OSBPL6: variants seen among roughly 807,000 people sequenced by gnomAD.
OSBPL6 encodes oxysterol-binding protein-related protein 6.
In OSBPL6, 49 loss-of-function variants were observed where a neutral mutation model predicts 125.8. That is an observed-to-expected ratio of 0.39 (90% CI 0.31 to 0.49). The LOEUF (loss-of-function observed/expected upper bound fraction) is 0.49, where lower values mean the gene tolerates loss of function less well. Among genes scored for constraint, OSBPL6 ranks in the 20% least tolerant of loss-of-function variants. The pLI, the probability that OSBPL6 is intolerant of heterozygous loss-of-function variation, is 0.88. For missense variants in OSBPL6, 986 were observed against 1,135.4 expected (o/e 0.87, Z 1.89); for synonymous variants, 394 against 391.8 (o/e 1.01, Z -0.07).
chr2:178,275,039 A>G (rs899943581), intron 1 of OSBPL6, among the ~76,000 whole-genome samples: 9 of 152,204 alleles, frequency 5.9e-5, no homozygotes, highest in Non-Finnish European at 1.0e-4. Context: ...AACATGATCA[A>G]ATCTATGTTT....
intron 12 of OSBPL6, among the ~76,000 whole-genome samples, chr2:178,350,606 A>C (rs1025367486): frequency 6.6e-6 from 1 of 152,132 alleles, no homozygotes; most frequent in Non-Finnish European, 1.5e-5. Flanking sequence ...AGATTTCTCA[A>C]TTGAGACTCT....
intron 1 of OSBPL6, among the ~76,000 whole-genome samples, chr2:178,196,937 T>G (rs978214797): frequency 1.3e-5 from 2 of 152,230 alleles, no homozygotes; most frequent in African/African-American, 4.8e-5. Flanking sequence ...TCATTCATAC[T>G]GTATGTAGTT....
At chr2:178,328,466 T>C (rs749888021) in intron 5 of OSBPL6, 88 bp downstream of exon 5, 31 of 1,507,738 alleles carry the variant, frequency 2.1e-5, no homozygotes, top group Non-Finnish European at 2.8e-5. Context: ...ACTAAGAATA[T>C]GGCAGTATGT....
intron 12 of OSBPL6, among the ~76,000 whole-genome samples, chr2:178,360,934 G>A (rs1287917723): frequency 6.6e-6 from 1 of 152,068 alleles, no homozygotes; most frequent in African/African-American, 2.4e-5. Flanking sequence ...AGAATACTTT[G>A]CATATTATAG....
chr2:178,364,070 G>A (rs1692594359), intron 13 of OSBPL6, among the ~76,000 whole-genome samples: 1 of 152,214 alleles, frequency 6.6e-6, no homozygotes. Context: ...AGGTATTTAA[G>A]TTTACTGACA....
chr2:178,281,555 C>T (rs9808049), intron 1 of OSBPL6, among the ~76,000 whole-genome samples: 22,522 of 152,016 alleles, frequency 0.15, 1,825 homozygotes, highest in African/African-American at 0.19. Context: ...GTTTTTGTCA[C>T]GTTTGTCAGA....
At chr2:178,394,889 A>G (rs534825008) in intron 24 of OSBPL6, among the ~76,000 whole-genome samples, 1 of 152,344 alleles carries the variant, frequency 6.6e-6, no homozygotes, top group African/African-American at 2.4e-5. Flanking sequence ...GCAGGATTAT[A>G]TATACATCAC....
chr2:178,390,296 G>A (rs899632638), intron 21 of OSBPL6, among the ~76,000 whole-genome samples: 4 of 152,146 alleles, frequency 2.6e-5, no homozygotes, highest in African/African-American at 9.7e-5. Flanking sequence ...AGCCAGTCCT[G>A]GCCCACGGCC....
intron 2 of OSBPL6, among the ~76,000 whole-genome samples, chr2:178,299,375 T>C (rs1187389436): frequency 1.3e-5 from 2 of 152,238 alleles, no homozygotes; most frequent in Non-Finnish European, 2.9e-5. Flanking sequence ...TTGCTTTTCC[T>C]GGCCCTGTAC....
At chr2:178,339,131 G>A (rs1477993056) in intron 10 of OSBPL6, 37 bp downstream of exon 10, 1 of 1,346,918 alleles carries the variant, frequency 7.4e-7, no homozygotes, top group Non-Finnish European at 1.1e-6. Flanking sequence ...AGGACTTAGG[G>A]TATTAATTAA....
At chr2:178,301,544 A>G (rs1040729505) in intron 2 of OSBPL6, among the ~76,000 whole-genome samples, 4 of 152,238 alleles carry the variant, frequency 2.6e-5, no homozygotes, top group Non-Finnish European at 5.9e-5. Flanking sequence ...GTTATCTCTC[A>G]GTGATGTAAC....
At chr2:178,298,344 A>G (rs1020310910) in intron 2 of OSBPL6, among the ~76,000 whole-genome samples, 6 of 152,216 alleles carry the variant, frequency 3.9e-5, no homozygotes, top group Non-Finnish European at 7.3e-5. Context: ...ATGGTTGTAC[A>G]GTATCTTAGC....
At chr2:178,199,769 A>G (rs1467200466) in intron 1 of OSBPL6, among the ~76,000 whole-genome samples, 2 of 152,168 alleles carry the variant, frequency 1.3e-5, no homozygotes, top group Non-Finnish European at 2.9e-5. Context: ...ATAAAATTAC[A>G]CTGTACATTG....
intron 12 of OSBPL6, among the ~76,000 whole-genome samples, chr2:178,358,539 T>A (rs1271786266): frequency 6.6e-6 from 1 of 152,088 alleles, no homozygotes; most frequent in Non-Finnish European, 1.5e-5. Flanking sequence ...GAAAACCAGA[T>A]TTCCACATGT....
intron 8 of OSBPL6, among the ~76,000 whole-genome samples, chr2:178,334,579 G>A (rs984494905): frequency 2.6e-5 from 4 of 152,094 alleles, no homozygotes; most frequent in Non-Finnish European, 4.4e-5. Flanking sequence ...GAGTGCAGTG[G>A]TGTGGTTTTG....
At chr2:178,392,567 A>T (rs777520565) in intron 23 of OSBPL6, 29 bp downstream of exon 23, 7 of 1,611,320 alleles carry the variant, frequency 4.3e-6, no homozygotes, top group Non-Finnish European at 5.9e-6. Context: ...TTTAATATGC[A>T]GACTATGGCT....
chr2:178,371,200 A>G (rs547929863), intron 13 of OSBPL6, among the ~76,000 whole-genome samples: 6 of 152,314 alleles, frequency 3.9e-5, no homozygotes, highest in Non-Finnish European at 8.8e-5. Flanking sequence ...GTCTTCTCAC[A>G]GGTCTTTAAC....
chr2:178,270,463 C>G (rs1316548210), intron 1 of OSBPL6, among the ~76,000 whole-genome samples: 1 of 152,128 alleles, frequency 6.6e-6, no homozygotes, highest in Non-Finnish European at 1.5e-5. Flanking sequence ...GATAGGGAAA[C>G]CAAGGAACAG....
chr2:178,375,825 T>C (rs1693828727), intron 15 of OSBPL6, among the ~76,000 whole-genome samples: 1 of 152,182 alleles, frequency 6.6e-6, no homozygotes, highest in Admixed American at 6.5e-5. Flanking sequence ...CTGAGAGATA[T>C]TTCCAAGTCC....
Sources: gnomAD v4.1 joint callset for allele counts (sites outside exome capture counted in the v4.1 genomes callset) on GRCh38, gnomAD v4.1.1 for gene constraint, MANE v1.5 for transcripts, NCBI Gene and HGNC (gene_info 2026-07-23, HGNC 2026-07-21) for gene names.